Variants in NECAB1 observed in about 807,000 individuals in gnomAD.
The protein encoded by NECAB1 is N-terminal EF-hand calcium binding protein 1, also known as N-terminal EF-hand calcium-binding protein 1.
Under a neutral mutation model 57.5 loss-of-function variants are expected in NECAB1, and 29 were observed. The ratio of observed to expected loss-of-function variants is 0.50; its 90% CI spans 0.38 to 0.69. The LOEUF is 0.69. Among genes scored for constraint, NECAB1 ranks in the 30% least tolerant of loss-of-function variants. The pLI, the probability that NECAB1 is intolerant of heterozygous loss-of-function variation, is 0.00. For missense variants in NECAB1, 372 were observed against 413.8 expected, an observed-to-expected ratio of 0.90 and a Z score of 0.88; for synonymous variants, 142 against 147.7, an observed-to-expected ratio of 0.96 and a Z score of 0.28.
intron 3 of NECAB1, among the ~76,000 whole-genome samples, chr8:90,859,919 C>G (rs1403332687): frequency 1.3e-5 from 2 of 151,914 alleles, no homozygotes; most frequent in Non-Finnish European, 2.9e-5. Context: ...TATTGCTGCA[C>G]CAAAATGTTT....
Position 90,922,486 on chromosome 8 carries a change from A to ATTTTTTTTTTTTTTTTTTTTT in NECAB1, c.495-3045_495-3025dup, listed in dbSNP as rs577951495. On this transcript the variant is annotated intron_variant, in intron 6 of 12. Transcript: ENST00000417640. ...ACCACCAAAGCTGCCAAAAACTTGG[A>ATTTTTTTTTTTTTTTTTTTTT]TTTTTTTTTTTTTTTTTTTTTTTTG... Among the ~76,000 whole-genome samples, 12 of 57,508 alleles carry ATTTTTTTTTTTTTTTTTTTTT rather than the reference A, an allele frequency of 2.1e-4. 1 individual carries two copies. The highest frequency in any genetic ancestry group is 4.7e-4 in the African/African-American group (8 of 16,884). The allele number at this position is 57,508 out of a possible 152,430, so 37.7% of individuals were successfully genotyped here.
chr8:90,822,313 C>T (rs1378396500), intron 2 of NECAB1, among the ~76,000 whole-genome samples: 2 of 151,784 alleles, frequency 1.3e-5, no homozygotes, highest in Non-Finnish European at 2.9e-5. Context: ...TTTCCCTTTC[C>T]TTTAAAAAAT....
intron 1 of NECAB1, among the ~76,000 whole-genome samples, chr8:90,795,708 TCACACACACACA>T (rs59863984): frequency 1.1e-4 from 16 of 147,878 alleles, no homozygotes; most frequent in South Asian, 4.4e-4. Flanking sequence ...CTCATCTCTC[TCACACACACACA>T]CACACACACA....
At chr8:90,887,118 A>G (rs28720868) in intron 5 of NECAB1, among the ~76,000 whole-genome samples, 3 of 152,198 alleles carry the variant, frequency 2.0e-5, no homozygotes, top group Non-Finnish European at 4.4e-5. Flanking sequence ...CATGCCATTT[A>G]TCATCCTTTA....
intron 6 of NECAB1, among the ~76,000 whole-genome samples, chr8:90,918,071 A>G (rs752557679): frequency 1.9e-4 from 29 of 149,640 alleles, no homozygotes; most frequent in Non-Finnish European, 3.4e-4. Flanking sequence ...GTGCAGTGGC[A>G]CGATCTTGGC....
At chr8:90,881,430 C>T (rs959590212) in intron 5 of NECAB1, among the ~76,000 whole-genome samples, 2 of 152,168 alleles carry the variant, frequency 1.3e-5, no homozygotes, top group Admixed American at 1.3e-4. Context: ...CCCCAAATCC[C>T]ATGTCGAATT....
At chr8:90,879,062 TTATA>T (rs1808784852) in intron 4 of NECAB1, among the ~76,000 whole-genome samples, 1 of 140,312 alleles carries the variant, frequency 7.1e-6, no homozygotes, top group South Asian at 2.1e-4. Context: ...AATATATATC[TTATA>T]TATAATATAT....
chr8:90,850,468 TG>T (rs957994082), intron 3 of NECAB1, among the ~76,000 whole-genome samples: 3 of 152,166 alleles, frequency 2.0e-5, no homozygotes, highest in African/African-American at 7.2e-5. Flanking sequence ...CAGAGAGGCC[TG>T]GGGAACCAGC....
chr8:90,818,429 G>T (rs1053212403), intron 2 of NECAB1, among the ~76,000 whole-genome samples: 1 of 151,936 alleles, frequency 6.6e-6, no homozygotes, highest in African/African-American at 2.4e-5. Flanking sequence ...GAGCAATTCT[G>T]CTCACAATTA....
intron 2 of NECAB1, among the ~76,000 whole-genome samples, chr8:90,803,068 T>G (rs1811787779): frequency 6.6e-6 from 1 of 152,104 alleles, no homozygotes; most frequent in South Asian, 2.1e-4. Context: ...GGCTAATTTT[T>G]GTATTTTTAG....
chr8:90,948,543 AAGTT>A (rs1810858490), intron 10 of NECAB1, among the ~76,000 whole-genome samples: 2 of 152,190 alleles, frequency 1.3e-5, no homozygotes, highest in Admixed American at 6.5e-5. Flanking sequence ...TCTTACTGTT[AAGTT>A]TACTGGTAAG....
chr8:90,871,134 T>C (rs1808615095), intron 3 of NECAB1, among the ~76,000 whole-genome samples: 1 of 152,184 alleles, frequency 6.6e-6, no homozygotes. Context: ...AATATTTACA[T>C]TGAGCATTGA....
chr8:90,932,443 A>T (rs1262275918), intron 8 of NECAB1, among the ~76,000 whole-genome samples: 1 of 152,222 alleles, frequency 6.6e-6, no homozygotes, highest in East Asian at 1.9e-4. Context: ...AAACAAGATA[A>T]TATAAAATAA....
rs111590584 is a variant in NECAB1, at chr8:90,907,122, T to TTG, written c.358-10341_358-10340dup. Among the ~76,000 whole-genome samples, 1,144 of 129,790 alleles carry TTG rather than the reference T, an allele frequency of 8.8e-3. 11 individuals carry two copies. Among genetic ancestry groups the TTG allele is most frequent in the South Asian group, 0.029 (115 of 3,968 alleles). 85.1% of individuals were successfully genotyped at this position (129,790 alleles called of 152,430 possible). A position where few individuals can be genotyped will look rare whatever the true frequency, so the allele number is the denominator to read the frequency against. ...TTTACTTCTTATAATCCACCCAATT[T>TTG]TGTGTGTGTGTGTGTGTGTGTGTGT... On this transcript the variant is annotated intron_variant, in intron 5 of 12. Transcript: ENST00000417640.
intron 8 of NECAB1, among the ~76,000 whole-genome samples, chr8:90,930,142 C>T (rs1052196498): frequency 9.9e-5 from 15 of 152,118 alleles, no homozygotes; most frequent in Admixed American, 4.6e-4. Flanking sequence ...CTAATACCAG[C>T]TCAGAAAATG....
At chr8:90,838,414 A>G (rs564236135) in intron 3 of NECAB1, among the ~76,000 whole-genome samples, 6 of 152,356 alleles carry the variant, frequency 3.9e-5, no homozygotes, top group South Asian at 4.1e-4. Flanking sequence ...AAACACTAAT[A>G]AAAACAAATA....
chr8:90,934,313 C>T lies in NECAB1; in HGVS notation c.703C>T (p.Leu235Phe). The T allele has an allele frequency of 6.6e-7, 1 of 1,515,892 alleles. No homozygotes were observed. Among genetic ancestry groups the T allele is most frequent in the Non-Finnish European group, 8.8e-7 (1 of 1,132,298 alleles). 93.9% of individuals were successfully genotyped at this position (1,515,892 alleles called of 1,614,324 possible). Residue 235 changes from leucine (L) to phenylalanine (F), a missense_variant, in exon 9 of 13, where the codon CTC becomes TTC. By Grantham distance (22) the Leu-to-Phe change is conservative. Coordinates refer to ENST00000417640, the MANE Select transcript of NECAB1 (RefSeq NM_022351.5). ...CTTCCTCTTATTGAAGGATCTCAAA[C>T]TCGAACCACCAGAAGAAGAAATTAT... Reference protein sequence around the residue: ...IDRLEKKDLKLEPPEEEIIEG... With the variant: ...IDRLEKKDLKFEPPEEEIIEG...
chr8:90,917,752 G>T, intron 6 of NECAB1, 124 bp downstream of exon 6: 1 of 884,010 alleles, frequency 1.1e-6, no homozygotes, highest in Non-Finnish European at 1.5e-6. Flanking sequence ...TAAAAAGAAT[G>T]ACAGTGACCT....
chr8:90,889,079 A>C (rs540692553), intron 5 of NECAB1, among the ~76,000 whole-genome samples: 2 of 152,162 alleles, frequency 1.3e-5, no homozygotes, highest in Non-Finnish European at 2.9e-5. Flanking sequence ...GCTGTGTATT[A>C]TTACTCTGTA....
Sources: allele counts gnomAD v4.1 joint callset (sites outside exome capture counted in the v4.1 genomes callset), GRCh38; gene constraint gnomAD v4.1.1; transcripts MANE v1.5; gene names NCBI Gene and HGNC (gene_info 2026-07-23, HGNC 2026-07-21).